Variants in HERC3 observed in about 807,000 individuals in gnomAD.
HERC3 encodes the protein HECT and RLD domain containing E3 ubiquitin protein ligase 3.
In HERC3, 58 loss-of-function variants were observed where a neutral mutation model predicts 129.9. The ratio of observed to expected loss-of-function variants is 0.45; its 90% CI spans 0.36 to 0.56. The LOEUF (loss-of-function observed/expected upper bound fraction) is 0.56, where lower values mean the gene tolerates loss of function less well. Among genes scored for constraint, HERC3 ranks in the 20% least tolerant of loss-of-function variants. The pLI, the probability that HERC3 is intolerant of heterozygous loss-of-function variation, is 0.00. For synonymous variants in HERC3, 430 were observed against 451.0 expected (o/e 0.95, Z 0.59); for missense variants, 835 against 1,244.2 (o/e 0.67, Z 4.95).
intron 16 of HERC3, among the ~76,000 whole-genome samples, chr4:88,672,359 A>G (rs986854992): frequency 6.6e-6 from 1 of 152,172 alleles, no homozygotes; most frequent in Non-Finnish European, 1.5e-5. Flanking sequence ...AATAACTATA[A>G]TAGTTATTAA....
intron 2 of HERC3, among the ~76,000 whole-genome samples, chr4:88,604,750 G>T (rs1723428529): frequency 6.6e-6 from 1 of 152,178 alleles, no homozygotes; most frequent in Non-Finnish European, 1.5e-5. Flanking sequence ...TGTGGACGTA[G>T]TCTTGCAGTT....
intron 3 of HERC3, among the ~76,000 whole-genome samples, chr4:88,649,224 G>C (rs1053779950): frequency 5.9e-5 from 9 of 152,146 alleles, no homozygotes; most frequent in Admixed American, 2.0e-4. Flanking sequence ...CACATGGCGT[G>C]TGTGATTCTT....
chr4:88,688,970 A>G (rs1345571903), intron 23 of HERC3, among the ~76,000 whole-genome samples: 1 of 152,150 alleles, frequency 6.6e-6, no homozygotes, highest in East Asian at 1.9e-4. Flanking sequence ...TGAGAGAATG[A>G]CAGTCTTTCT....
At chr4:88,545,276 A>G in the HERC3 span, among the ~76,000 whole-genome samples, 8 of 152,262 alleles carry the variant, frequency 5.3e-5, no homozygotes, top group Non-Finnish European at 8.8e-5. Flanking sequence ...GAAATTAAAA[A>G]TAACATTTTT....
chr4:88,700,438 G>A (rs1735218682), intron 23 of HERC3, among the ~76,000 whole-genome samples: 3 of 152,162 alleles, frequency 2.0e-5, no homozygotes, highest in African/African-American at 7.2e-5. Context: ...CTAGCTAAAA[G>A]GTTCAAGATT....
chr4:88,652,792 G>T, intron 5 of HERC3, 77 bp from the exon 6 acceptor site: 1 of 1,436,798 alleles, frequency 7.0e-7, no homozygotes, highest in South Asian at 1.4e-5. Context: ...ACTGGCAAAT[G>T]ACCCTAATAA....
chr4:88,577,696 T>C, the HERC3 span, among the ~76,000 whole-genome samples: 1 of 146,612 alleles, frequency 6.8e-6, no homozygotes, highest in African/African-American at 2.6e-5. Flanking sequence ...TAGCAATTAG[T>C]GGAAAAATTT....
Position 88,678,138 on chromosome 4 carries a change from A to G in HERC3, c.2196+4A>G. 1 of 1,612,836 alleles carries G rather than the reference A, an allele frequency of 6.2e-7. No homozygotes were observed. Among genetic ancestry groups the G allele is most frequent in the Non-Finnish European group, 8.5e-7 (1 of 1,179,644 alleles). On this transcript the variant is annotated splice_donor_region_variant and intron_variant, in intron 19 of 25. Coordinates refer to ENST00000402738, the MANE Select transcript of HERC3 (RefSeq NM_014606.3). ...TGATTTGAAAAAGCCTCTCAAAGTG[A>G]GTTCCTTCAGGATATTCCTCTAAAT... is the stretch of plus-strand genomic sequence containing the variant.
At chr4:88,693,528 T>G (rs1000807366) in intron 23 of HERC3, 2 of 965,738 alleles carry the variant, frequency 2.1e-6, no homozygotes, top group Non-Finnish European at 2.5e-6. Context: ...CTCTAAAATA[T>G]TTGTTTAAAA....
intron 3 of HERC3, among the ~76,000 whole-genome samples, chr4:88,633,500 T>C (rs62308703): frequency 0.021 from 3,193 of 152,300 alleles, 79 homozygotes; most frequent in African/African-American, 0.055. Context: ...AAGATAATTA[T>C]TGTAATTCCT....
intron 13 of HERC3, 68 bp from the exon 14 acceptor site, chr4:88,667,824 G>A: frequency 8.6e-7 from 1 of 1,158,860 alleles, no homozygotes. Flanking sequence ...AATAGCTTAT[G>A]AACTTAGAGA....
At chr4:88,642,293 G>A (rs1248716175) in intron 3 of HERC3, among the ~76,000 whole-genome samples, 1 of 152,128 alleles carries the variant, frequency 6.6e-6, no homozygotes, top group African/African-American at 2.4e-5. Context: ...AAACTCACAT[G>A]GTTATGTCAG....
In HERC3 at chr4:88,668,027, A is replaced by T; in HGVS notation, c.1579A>T (p.Ile527Phe). ...QDSKYYITLT[I>F]PLAMAILRLD... ...TTCCAAGTATTATATAACATTGACT[A>T]TTCCCTTGGCTATGGCCATTCTTCG... Residue 527 changes from isoleucine (I) to phenylalanine (F), a missense_variant, in exon 14 of 26, where the codon ATT (isoleucine) becomes TTT (phenylalanine). By Grantham distance (21) the Ile-to-Phe change is conservative (BLOSUM62 0). Coordinates refer to ENST00000402738, the MANE Select transcript of HERC3 (RefSeq NM_014606.3). 1 of 1,613,720 alleles carries T rather than the reference A, an allele frequency of 6.2e-7. No homozygotes were observed. Among genetic ancestry groups the T allele is most frequent in the Non-Finnish European group, 8.5e-7 (1 of 1,179,708 alleles).
At chr4:88,540,905 C>T in the HERC3 span, among the ~76,000 whole-genome samples, 1 of 152,142 alleles carries the variant, frequency 6.6e-6, no homozygotes. Context: ...GAGATTTTGT[C>T]CCCACCAGGC....
chr4:88,684,403 T>C (rs1202341464), intron 21 of HERC3, among the ~76,000 whole-genome samples: 1 of 152,192 alleles, frequency 6.6e-6, no homozygotes, highest in Non-Finnish European at 1.5e-5. Context: ...CTGGGAAAAC[T>C]GGCTAGGCAT....
intron 3 of HERC3, among the ~76,000 whole-genome samples, chr4:88,612,015 C>T (rs1335674072): frequency 6.6e-6 from 1 of 152,144 alleles, no homozygotes; most frequent in Admixed American, 6.5e-5. Context: ...TGATTCTGTC[C>T]TGCTAGTCAT....
At chr4:88,688,543 A>G (rs948845848) in intron 23 of HERC3, among the ~76,000 whole-genome samples, 3 of 152,152 alleles carry the variant, frequency 2.0e-5, no homozygotes, top group African/African-American at 7.2e-5. Context: ...AGAGAGTTAT[A>G]TATTGATAAT....
At chr4:88,669,325 G>A (rs1199973777) in intron 14 of HERC3, among the ~76,000 whole-genome samples, 1 of 152,096 alleles carries the variant, frequency 6.6e-6, no homozygotes, top group Non-Finnish European at 1.5e-5. Flanking sequence ...CGAAGTATAA[G>A]CCAGTGGTAT....
At chr4:88,623,019 C>T (rs1267293332) in intron 3 of HERC3, among the ~76,000 whole-genome samples, 1 of 152,170 alleles carries the variant, frequency 6.6e-6, no homozygotes, top group African/African-American at 2.4e-5. Context: ...ACATATAAAG[C>T]TCTTAAAACA....
Sources: gnomAD v4.1 joint callset for allele counts (sites outside exome capture counted in the v4.1 genomes callset) on GRCh38, gnomAD v4.1.1 for gene constraint, MANE v1.5 for transcripts, NCBI Gene and HGNC (gene_info 2026-07-23, HGNC 2026-07-21) for gene names.